DNER: variants seen among roughly 807,000 people sequenced by gnomAD.
DNER encodes the protein delta/notch like EGF repeat containing.
DNER carries 33 observed loss-of-function variants against 78.2 expected under a neutral mutation model. The ratio of observed to expected loss-of-function variants is 0.42; its 90% confidence interval spans 0.32 to 0.56. The LOEUF (loss-of-function observed/expected upper bound fraction) is 0.56. Ranked by LOEUF, DNER falls within the 20% of genes least tolerant of loss-of-function variation. The pLI is 0.11. For synonymous variants in DNER, 417 were observed against 384.8 expected (o/e 1.08, Z -0.98); for missense variants, 918 against 975.3 (o/e 0.94, Z 0.78).
intron 4 of DNER, among the ~76,000 whole-genome samples, chr2:229,551,860 A>G (rs1415463406): frequency 6.6e-6 from 1 of 152,134 alleles, no homozygotes; most frequent in Non-Finnish European, 1.5e-5. Context: ...TGAACCCGGG[A>G]GGCGGAGGTT....
chr2:229,591,559 C>A lies in DNER; in HGVS notation c.585+21G>T, dbSNP rs780730797. On this transcript the variant is annotated intron_variant, in intron 2 of 12. Transcript: ENST00000341772. The surrounding 1 kb of genome is among the most constrained non-coding windows in gnomAD (Gnocchi z 4.6). ...ATTTCTGGTTTCTAATGTAAAAATG[C>A]ACATGATATAACGTTCTCACCTCCA... 9 of 1,589,564 alleles carry A rather than the reference C, an allele frequency of 5.7e-6. No individual in the cohort carries two copies.
intron 5 of DNER, among the ~76,000 whole-genome samples, chr2:229,544,700 T>A (rs1696585593): frequency 6.6e-6 from 1 of 151,820 alleles, no homozygotes; most frequent in Non-Finnish European, 1.5e-5. Flanking sequence ...GCCTGGCTAA[T>A]TTTTTGTATT....
chr2:229,582,165 T>C (rs1230070094), intron 4 of DNER, among the ~76,000 whole-genome samples: 1 of 152,268 alleles, frequency 6.6e-6, no homozygotes, highest in African/African-American at 2.4e-5. Context: ...AACGTATTTG[T>C]GTCTGGAGAG....
intron 9 of DNER, among the ~76,000 whole-genome samples, chr2:229,407,784 G>A (rs1026324439): frequency 1.3e-5 from 2 of 152,308 alleles, no homozygotes; most frequent in East Asian, 1.9e-4. Context: ...CTACTTTGAA[G>A]AACTGCAGGG....
In DNER at chr2:229,449,866, C is replaced by T. The variant is rs1694419438; in HGVS notation, c.1262-2326G>A. Among the ~76,000 whole-genome samples the T allele has an allele frequency of 2.6e-5, 4 of 152,210 alleles. No homozygotes were observed. The South Asian group carries it at 8.3e-4, about 32-fold the overall frequency. ...TGGCACAATCTTGGCTCACTGCAAC[C>T]TCTGCCTTCGGGTCAAGCGATTCTC... On this transcript the variant is annotated intron_variant, in intron 7 of 12. Transcript: ENST00000341772.
intron 11 of DNER, among the ~76,000 whole-genome samples, chr2:229,387,228 A>G (rs1328278503): frequency 6.6e-6 from 1 of 152,178 alleles, no homozygotes; most frequent in Non-Finnish European, 1.5e-5. Flanking sequence ...ACACAGGAAC[A>G]AAAAACCAAA....
At chr2:229,429,594 C>G (rs1426173242) in intron 8 of DNER, among the ~76,000 whole-genome samples, 1 of 152,112 alleles carries the variant, frequency 6.6e-6, no homozygotes, top group Non-Finnish European at 1.5e-5. Flanking sequence ...AAATAGGTGC[C>G]CACCTTGCAG....
intron 4 of DNER, among the ~76,000 whole-genome samples, chr2:229,570,876 G>A (rs924270087): frequency 6.6e-6 from 1 of 152,122 alleles, no homozygotes; most frequent in Non-Finnish European, 1.5e-5. Flanking sequence ...GGAGCACGGG[G>A]GAGAAGAGGG....
At chr2:229,548,706 A>G (rs1559163577) in intron 4 of DNER, among the ~76,000 whole-genome samples, 1 of 152,186 alleles carries the variant, frequency 6.6e-6, no homozygotes, top group Non-Finnish European at 1.5e-5. Flanking sequence ...ACCAAACTGC[A>G]CGTTCTGCAC....
chr2:229,598,121 C>T (rs1697758135), intron 1 of DNER, among the ~76,000 whole-genome samples: 1 of 152,208 alleles, frequency 6.6e-6, no homozygotes, highest in South Asian at 2.1e-4. Flanking sequence ...TTGATAGGGT[C>T]ATTAGATATA....
chr2:229,387,509 G>GAGAGAGAGAAAGAA (rs1286340836), intron 11 of DNER, among the ~76,000 whole-genome samples: 23 of 76,174 alleles, frequency 3.0e-4, no homozygotes, highest in African/African-American at 5.5e-4. Flanking sequence ...GAAAGAAAGA[G>GAGAGAGAGAAAGAA]AGAAAGAAAG....
intron 11 of DNER, among the ~76,000 whole-genome samples, chr2:229,386,518 A>G (rs981312558): frequency 2.0e-5 from 3 of 152,196 alleles, no homozygotes; most frequent in Non-Finnish European, 2.9e-5. Context: ...AGAAACTATC[A>G]TCATAGTGAA....
chr2:229,591,816 C>CGCTGCTGCT lies in DNER; in HGVS notation c.340_348dup (p.Ser114_Ser116dup), dbSNP rs376000556. ...TCATTGCAAATGCAGAGGTAGCCAT[C>CGCTGCTGCT]GCTGCTGCTGCTGCTGCTGCTGCTG... On this transcript the variant is annotated inframe_insertion, in exon 2 of 13. Coordinates refer to ENST00000341772, the MANE Select transcript of DNER (RefSeq NM_139072.4). This position sits in a 1 kb window ranked among gnomAD's most constrained non-coding sequence, Gnocchi z 4.6. The CGCTGCTGCT allele has an allele frequency of 1.1e-5, 17 of 1,611,502 alleles. No homozygotes were observed. The highest frequency in any genetic ancestry group is 4.5e-5 in the East Asian group (2 of 44,790).
chr2:229,466,349 T>C (rs1051384433), intron 7 of DNER, among the ~76,000 whole-genome samples: 1 of 152,192 alleles, frequency 6.6e-6, no homozygotes, highest in African/African-American at 2.4e-5. Context: ...AACCTCGCCC[T>C]GCTTTTCTCT....
intron 1 of DNER, among the ~76,000 whole-genome samples, chr2:229,682,576 A>C (rs1699403734): frequency 6.6e-6 from 1 of 152,218 alleles, no homozygotes. Flanking sequence ...GGCCAGGTGC[A>C]GTGGCTCATG....
intron 1 of DNER, among the ~76,000 whole-genome samples, chr2:229,613,194 T>G (rs185363847): frequency 2.4e-4 from 37 of 152,328 alleles, no homozygotes; most frequent in Admixed American, 5.2e-4. Context: ...TAAATATTGC[T>G]TCTAAAAACA....
chr2:229,361,961 A>G (rs4972897), intron 12 of DNER, among the ~76,000 whole-genome samples: 109,249 of 152,038 alleles, frequency 0.72, 39,861 homozygotes, highest in East Asian at 0.91. Flanking sequence ...TCCCACCTGA[A>G]GTAGCTCATG....
In DNER at chr2:229,418,393, T is replaced by G. The variant is rs545656970; in HGVS notation, c.1487-163A>C. 2.4e-4 allele frequency among the ~76,000 whole-genome samples: 37 copies of G among 152,236 alleles called. No homozygotes were observed. In the South Asian group the frequency reaches 6.4e-3, roughly 26 times the overall value. On this transcript the variant is annotated intron_variant, in intron 8 of 12. Coordinates refer to ENST00000341772, the MANE Select transcript of DNER (RefSeq NM_139072.4). ...CTTGGGGTAAAGTTGAAAGGTGGAT[T>G]TGGGGGAAGGCTATGAAGAAAGCGC...
chr2:229,515,499 T>G (rs769130828), intron 5 of DNER, among the ~76,000 whole-genome samples: 1 of 152,220 alleles, frequency 6.6e-6, no homozygotes, highest in Non-Finnish European at 1.5e-5. Context: ...ATCCAGACAT[T>G]CCATATTGCG....
Sources: allele counts gnomAD v4.1 joint callset (sites outside exome capture counted in the v4.1 genomes callset), GRCh38; gene constraint gnomAD v4.1.1; non-coding constraint Gnocchi (gnomAD v3.1); transcripts MANE v1.5; gene names NCBI Gene and HGNC (gene_info 2026-07-23, HGNC 2026-07-21).